Variants in RPS6KC1 observed in about 807,000 individuals in gnomAD.
RPS6KC1 encodes ribosomal protein S6 kinase C1, also known as inactive ribosomal protein S6 kinase delta-1.
Under a neutral mutation model 103.8 loss-of-function variants are expected in RPS6KC1, and 54 were observed. The observed-to-expected ratio is 0.52, with a 90% CI of 0.42 to 0.65. The LOEUF (loss-of-function observed/expected upper bound fraction) is 0.65, where lower values mean the gene tolerates loss of function less well. Among genes scored for constraint, RPS6KC1 ranks in the 30% least tolerant of loss-of-function variants. The pLI is 0.00. For synonymous variants in RPS6KC1, 439 were observed against 438.7 expected, an observed-to-expected ratio of 1.00 and a Z score of -0.01; for missense variants, 1,151 against 1,253.8, an observed-to-expected ratio of 0.92 and a Z score of 1.24.
chr1:213,117,714 A>G (rs1009844868), intron 5 of RPS6KC1, among the ~76,000 whole-genome samples: 6 of 151,594 alleles, frequency 4.0e-5, no homozygotes, highest in African/African-American at 1.5e-4. Context: ...CAGAATTTGT[A>G]TTGTCTAGTG....
intron 8 of RPS6KC1, among the ~76,000 whole-genome samples, chr1:213,219,816 A>G (rs1424961693): frequency 7.4e-6 from 1 of 135,810 alleles, no homozygotes; most frequent in Non-Finnish European, 1.6e-5. Context: ...ATGAGAACAC[A>G]TGGACACAGG....
chr1:213,317,488 A>C, the RPS6KC1 span, among the ~76,000 whole-genome samples: 1 of 152,232 alleles, frequency 6.6e-6, no homozygotes, highest in South Asian at 2.1e-4. Context: ...AAATCCTATC[A>C]GTGATCCTAT....
At chr1:213,210,774 C>T (rs74139157) in intron 8 of RPS6KC1, among the ~76,000 whole-genome samples, 2,211 of 152,324 alleles carry the variant, frequency 0.015, 48 homozygotes, top group African/African-American at 0.05. Context: ...ACATTTAAAG[C>T]TTCCTTGCCC....
At chr1:213,133,120 G>A (rs1168635149) in intron 6 of RPS6KC1, among the ~76,000 whole-genome samples, 1 of 152,172 alleles carries the variant, frequency 6.6e-6, no homozygotes, top group African/African-American at 2.4e-5. Context: ...GGAATGAAAG[G>A]ACTGTCTACT....
chr1:213,394,166 T>A, the RPS6KC1 span, among the ~76,000 whole-genome samples: 1 of 152,250 alleles, frequency 6.6e-6, no homozygotes, highest in Non-Finnish European at 1.5e-5. Flanking sequence ...AGTTGGCTGT[T>A]GTCATTGCTG....
intron 1 of RPS6KC1, among the ~76,000 whole-genome samples, chr1:213,058,360 A>AT (rs2077529554): frequency 6.7e-6 from 1 of 149,570 alleles, no homozygotes; most frequent in East Asian, 2.0e-4. Flanking sequence ...GGTTACAAAT[A>AT]TTTTTCCCAA....
At chr1:213,131,848 G>A (rs2085668159) in intron 6 of RPS6KC1, among the ~76,000 whole-genome samples, 1 of 152,132 alleles carries the variant, frequency 6.6e-6, no homozygotes, top group South Asian at 2.1e-4. Flanking sequence ...TTTAAAATGG[G>A]TATGAGTTAT....
the RPS6KC1 span, among the ~76,000 whole-genome samples, chr1:213,471,529 T>C: frequency 2.0e-5 from 3 of 152,194 alleles, no homozygotes; most frequent in African/African-American, 7.2e-5. Flanking sequence ...CTCCACCTTC[T>C]CCTACCTTCC....
chr1:213,151,939 A>T (rs1315790887), intron 6 of RPS6KC1, among the ~76,000 whole-genome samples: 1 of 101,694 alleles, frequency 9.8e-6, no homozygotes, highest in Non-Finnish European at 2.0e-5. Flanking sequence ...TGACCCCCCC[A>T]CCTCCCTCCC....
chr1:213,829,447 A>G, the RPS6KC1 span, among the ~76,000 whole-genome samples: 1 of 152,174 alleles, frequency 6.6e-6, no homozygotes, highest in Non-Finnish European at 1.5e-5. Flanking sequence ...GTGATGAGAA[A>G]TATGAGCCTG....
At chr1:213,336,489 G>A in the RPS6KC1 span, among the ~76,000 whole-genome samples, 2 of 152,156 alleles carry the variant, frequency 1.3e-5, no homozygotes, top group Non-Finnish European at 2.9e-5. Flanking sequence ...CCTTGATGAT[G>A]GGGTATGTTT....
rs113415364 is a variant in RPS6KC1 at position 213,142,731 on chromosome 1, A to G, written c.835+12842A>G. Among the ~76,000 whole-genome samples the G allele has an allele frequency of 3.9e-5, 6 of 152,222 alleles. 1 individual carries two copies. Among genetic ancestry groups the G allele is most frequent in the African/African-American group, 1.4e-4 (6 of 41,558 alleles). On this transcript the variant is annotated intron_variant, in intron 6 of 14. Coordinates refer to ENST00000366960, the MANE Select transcript of RPS6KC1 (RefSeq NM_012424.6). ...ACATAAAAGCAGTATTCCCTCTAAC[A>G]GCAAAAAGATTGCGACTTACTGAAG...
chr1:213,351,495 T>G, the RPS6KC1 span, among the ~76,000 whole-genome samples: 1 of 152,208 alleles, frequency 6.6e-6, no homozygotes, highest in African/African-American at 2.4e-5. Flanking sequence ...AAGTGGCAAC[T>G]GGCTAAAAAT....
chr1:213,476,080 G>T, the RPS6KC1 span, among the ~76,000 whole-genome samples: 1 of 152,080 alleles, frequency 6.6e-6, no homozygotes, highest in African/African-American at 2.4e-5. Flanking sequence ...GGTGTGCTTT[G>T]AGGAGTGTCA....
At chr1:213,452,854 C>T in the RPS6KC1 span, among the ~76,000 whole-genome samples, 1 of 152,202 alleles carries the variant, frequency 6.6e-6, no homozygotes, top group East Asian at 1.9e-4. Context: ...ATCCAATATT[C>T]ATTTCTACTT....
At chr1:213,115,204 G>C (rs1466872990) in intron 4 of RPS6KC1, among the ~76,000 whole-genome samples, 2 of 152,004 alleles carry the variant, frequency 1.3e-5, no homozygotes, top group Admixed American at 6.6e-5. Context: ...TGGTTGGTAA[G>C]CTATTGATTA....
chr1:213,353,830 A>G, the RPS6KC1 span, among the ~76,000 whole-genome samples: 2 of 152,216 alleles, frequency 1.3e-5, no homozygotes, highest in South Asian at 4.1e-4. Flanking sequence ...ACAGAAAGAA[A>G]TGTTATGGAA....
intron 8 of RPS6KC1, among the ~76,000 whole-genome samples, chr1:213,191,619 A>T (rs4951664): frequency 0.45 from 68,495 of 151,766 alleles, 19,203 homozygotes; most frequent in Non-Finnish European, 0.62. Context: ...TTCAATTTAG[A>T]TGCTCTTTAT....
chr1:213,259,734 A>ATT (rs71147063), intron 12 of RPS6KC1, among the ~76,000 whole-genome samples: 3,928 of 97,910 alleles, frequency 0.04, 277 homozygotes, highest in Middle Eastern at 0.083. Context: ...TGTTTTTTTA[A>ATT]TTTTTTTTTT....
Sources: gnomAD v4.1 joint callset for allele counts (sites outside exome capture counted in the v4.1 genomes callset) on GRCh38, gnomAD v4.1.1 for gene constraint, MANE v1.5 for transcripts, NCBI Gene and HGNC (gene_info 2026-07-23, HGNC 2026-07-21) for gene names.